The following FRMD3 variants were observed in gnomAD, a reference collection of about 807,000 sequenced individuals.
The protein encoded by FRMD3 is FERM domain-containing protein 3.
A neutral mutation model predicts 70.2 loss-of-function variants in FRMD3; 33 were observed. That is an observed-to-expected ratio of 0.47 (90% CI 0.36 to 0.63). The LOEUF is 0.63. Among genes scored for constraint, FRMD3 ranks in the 20% least tolerant of loss-of-function variants. The pLI, the probability that FRMD3 is intolerant of heterozygous loss-of-function variation, is 0.00. For missense variants in FRMD3, 632 were observed against 711.4 expected, an observed-to-expected ratio of 0.89 and a Z score of 1.27; for synonymous variants, 279 against 255.9, an observed-to-expected ratio of 1.09 and a Z score of -0.86.
intron 7 of FRMD3, among the ~76,000 whole-genome samples, chr9:83,312,272 C>T (rs903086411): frequency 3.3e-5 from 5 of 152,158 alleles, no homozygotes; most frequent in South Asian, 2.1e-4. Context: ...CAGTGTCTTC[C>T]GGGGCTGCCT....
chr9:83,459,701 A>G (rs189788848), intron 1 of FRMD3, among the ~76,000 whole-genome samples: 1 of 152,322 alleles, frequency 6.6e-6, no homozygotes, highest in Admixed American at 6.5e-5. Flanking sequence ...GCTGGGTTGA[A>G]CTGCCATGGC....
intron 2 of FRMD3, among the ~76,000 whole-genome samples, chr9:83,387,795 C>T (rs1356500769): frequency 6.6e-6 from 1 of 152,054 alleles, no homozygotes; most frequent in African/African-American, 2.4e-5. Flanking sequence ...TATCATGGTC[C>T]CCAGACCAAA....
At chr9:83,275,790 G>A (rs751671978) in intron 13 of FRMD3, among the ~76,000 whole-genome samples, 4 of 152,226 alleles carry the variant, frequency 2.6e-5, no homozygotes, top group Non-Finnish European at 5.9e-5. Context: ...ATAGGGGTGG[G>A]AGTAACATGA....
intron 6 of FRMD3, chr9:83,331,795 C>A: frequency 2.8e-6 from 2 of 710,898 alleles, no homozygotes; most frequent in Admixed American, 2.1e-5. Flanking sequence ...CTCTATTAGT[C>A]AATGAGTTGT....
chr9:83,289,226 C>G (rs1181479557), intron 13 of FRMD3, among the ~76,000 whole-genome samples: 3 of 152,184 alleles, frequency 2.0e-5, no homozygotes, highest in African/African-American at 7.2e-5. Context: ...CTGAAAAACA[C>G]AGACAAGCAA....
chr9:83,568,040 A>G, the FRMD3 span, among the ~76,000 whole-genome samples: 1 of 152,204 alleles, frequency 6.6e-6, no homozygotes, highest in African/African-American at 2.4e-5. Flanking sequence ...TGAGACTGAG[A>G]AGAATAAGAG....
chr9:83,489,366 G>A (rs1055064233), intron 1 of FRMD3, among the ~76,000 whole-genome samples: 1 of 152,054 alleles, frequency 6.6e-6, no homozygotes, highest in Non-Finnish European at 1.5e-5. Context: ...ATCTGACAAA[G>A]ACCTAATATC....
intron 6 of FRMD3, among the ~76,000 whole-genome samples, chr9:83,329,628 A>G (rs1265786236): frequency 1.3e-5 from 2 of 152,292 alleles, no homozygotes; most frequent in South Asian, 2.1e-4. Context: ...AAATAGAGAT[A>G]ATTACTCTGT....
the FRMD3 span, among the ~76,000 whole-genome samples, chr9:83,579,679 A>G: frequency 6.6e-6 from 1 of 152,108 alleles, no homozygotes. Context: ...CTGTAAAACT[A>G]CTAGACAAAA....
chr9:83,271,447 A>G (rs1833548425), intron 13 of FRMD3, among the ~76,000 whole-genome samples: 1 of 152,176 alleles, frequency 6.6e-6, no homozygotes, highest in Non-Finnish European at 1.5e-5. Context: ...TTATGATAGG[A>G]GGGGTATATT....
intron 3 of FRMD3, chr9:83,350,856 T>A: frequency 1.8e-6 from 1 of 545,730 alleles, no homozygotes; most frequent in Non-Finnish European, 2.3e-6. Flanking sequence ...ATAAGATCAC[T>A]ACCGACTTGT....
At chr9:83,546,119 G>A in the FRMD3 span, among the ~76,000 whole-genome samples, 3 of 151,858 alleles carry the variant, frequency 2.0e-5, no homozygotes, top group African/African-American at 7.3e-5. Flanking sequence ...CAGTTTGAGA[G>A]GCCAAGGTGG....
intron 1 of FRMD3, among the ~76,000 whole-genome samples, chr9:83,460,731 T>C (rs548002516): frequency 1.1e-3 from 174 of 152,368 alleles, no homozygotes; most frequent in Non-Finnish European, 1.9e-3. Flanking sequence ...CTAATTTCCA[T>C]CCTTTCCATC....
At chr9:83,258,631 G>A (rs1235427610) in intron 13 of FRMD3, among the ~76,000 whole-genome samples, 1 of 152,194 alleles carries the variant, frequency 6.6e-6, no homozygotes, top group Non-Finnish European at 1.5e-5. Context: ...AGAATATAAT[G>A]AATCATCTGC....
intron 1 of FRMD3, among the ~76,000 whole-genome samples, chr9:83,488,999 T>TACACAC: frequency 8.5e-6 from 1 of 117,546 alleles, no homozygotes; most frequent in African/African-American, 3.1e-5. Flanking sequence ...TGTGTGTGTG[T>TACACAC]GTGTGTGTGT....
chr9:83,356,329 G>T (rs980714666), intron 3 of FRMD3, among the ~76,000 whole-genome samples: 19 of 141,366 alleles, frequency 1.3e-4, no homozygotes, highest in African/African-American at 5.2e-4. Context: ...AGGCTGGAGT[G>T]CAGTGGCGCG....
At chr9:83,420,324 C>T (rs1393055822) in intron 1 of FRMD3, among the ~76,000 whole-genome samples, 1 of 152,132 alleles carries the variant, frequency 6.6e-6, no homozygotes, top group Non-Finnish European at 1.5e-5. Flanking sequence ...GCTTCAGGGA[C>T]GTGGGTGTCA....
At chr9:83,320,847 A>AT (rs1399787441) in intron 6 of FRMD3, among the ~76,000 whole-genome samples, 2 of 151,876 alleles carry the variant, frequency 1.3e-5, no homozygotes, top group African/African-American at 2.4e-5. Context: ...TTGCTGAGAG[A>AT]TTTTTTTATT....
intron 1 of FRMD3, among the ~76,000 whole-genome samples, chr9:83,390,078 C>T (rs7853850): frequency 0.43 from 66,143 of 152,128 alleles, 14,759 homozygotes; most frequent in Admixed American, 0.49. Context: ...ACACATACAA[C>T]GGCCTAACTG....
Sources: allele counts gnomAD v4.1 joint callset (sites outside exome capture counted in the v4.1 genomes callset), GRCh38; gene constraint gnomAD v4.1.1; transcripts MANE v1.5; gene names NCBI Gene and HGNC (gene_info 2026-07-23, HGNC 2026-07-21).